Variants in HKDC1 observed in about 807,000 individuals in gnomAD.
HKDC1 encodes hexokinase HKDC1.
A neutral mutation model predicts 96.6 loss-of-function variants in HKDC1; 66 were observed. That is an observed-to-expected ratio of 0.68 (90% CI 0.56 to 0.84). The LOEUF (loss-of-function observed/expected upper bound fraction) is 0.84, where lower values mean the gene tolerates loss of function less well. Among genes scored for constraint, HKDC1 ranks in the 40% least tolerant of loss-of-function variants. The pLI, the probability that HKDC1 is intolerant of heterozygous loss-of-function variation, is 0.00. For synonymous variants in HKDC1, 466 were observed against 473.1 expected, an observed-to-expected ratio of 0.98 and a Z score of 0.20; for missense variants, 1,211 against 1,208.1, an observed-to-expected ratio of 1.00 and a Z score of -0.04.
At chr10:69,251,914 C>G (rs1843649463) in intron 12 of HKDC1, among the ~76,000 whole-genome samples, 2 of 151,966 alleles carry the variant, frequency 1.3e-5, no homozygotes, top group Non-Finnish European at 2.9e-5. Context: ...TGTGTGCCAC[C>G]ACAACTGGCT....
intron 12 of HKDC1, 23 bp downstream of exon 12, chr10:69,250,675 A>G: frequency 6.2e-7 from 1 of 1,611,790 alleles, no homozygotes; most frequent in Non-Finnish European, 8.5e-7. Context: ...CACCAGGCTC[A>G]CGGCCAGCCC....
intron 8 of HKDC1, among the ~76,000 whole-genome samples, chr10:69,246,826 C>T (rs1318201940): frequency 6.6e-6 from 1 of 152,074 alleles, no homozygotes. Flanking sequence ...GGTCCTGCTC[C>T]TCAGGCTTAG....
chr10:69,260,615 C>G lies in HKDC1; in HGVS notation c.2217-524C>G, dbSNP rs1843790589. ...TCCCATTTGACTCTGCAAGCAGTGGCAGTCTGGCTCTGTGTCACTGTTGTT... is the reference window on the plus strand; with the variant it reads ...TCCCATTTGACTCTGCAAGCAGTGGGAGTCTGGCTCTGTGTCACTGTTGTT... On this transcript the variant is annotated intron_variant, in intron 15 of 17. Transcript: ENST00000354624. Among the ~76,000 whole-genome samples the G allele has an allele frequency of 2.0e-5, 3 of 152,160 alleles. No homozygotes were observed. In the South Asian group the frequency reaches 6.2e-4, roughly 32 times the overall value.
chr10:69,235,108 C>T (rs1418184305), intron 4 of HKDC1, among the ~76,000 whole-genome samples: 1 of 151,862 alleles, frequency 6.6e-6, no homozygotes, highest in Non-Finnish European at 1.5e-5. Flanking sequence ...GCAGCGCAGG[C>T]CACAAAGCGA....
At chr10:69,232,628 G>T in intron 2 of HKDC1, 136 bp from the exon 3 acceptor site, 1 of 826,208 alleles carries the variant, frequency 1.2e-6, no homozygotes. Flanking sequence ...AGAGTCCTCA[G>T]CCTTGGCAAA....
chr10:69,259,350 A>T (rs1046913219), intron 15 of HKDC1, among the ~76,000 whole-genome samples: 1 of 152,176 alleles, frequency 6.6e-6, no homozygotes, highest in Non-Finnish European at 1.5e-5. Flanking sequence ...GGGAGTGGGG[A>T]AGTGGCCACC....
At chr10:69,243,944 T>C (rs950926059) in intron 7 of HKDC1, among the ~76,000 whole-genome samples, 6 of 152,192 alleles carry the variant, frequency 3.9e-5, no homozygotes, top group African/African-American at 1.4e-4. Flanking sequence ...GGGTTACGTA[T>C]GTGCATGATA....
At position 69,246,114 on chromosome 10, in the gene HKDC1, A is replaced by G. The variant is rs1564731771; in HGVS notation, c.911A>G (p.Glu304Gly). The G allele has an allele frequency of 6.2e-7, 1 of 1,613,992 alleles. No individual in the cohort carries two copies. The change falls in exon 8 of 18, where the codon GAG becomes GGG. Residue 304 changes from glutamate to glycine, a missense_variant. Coordinates refer to ENST00000354624, the MANE Select transcript of HKDC1 (RefSeq NM_025130.4). ...ATGATCAGTGGCCTGTACCTGGGGG[A>G]GCTTGTCAGGCTTATCTTGCTGAAG... Reference protein sequence around the residue: ...EKMISGLYLGELVRLILLKMA... With the variant: ...EKMISGLYLGGLVRLILLKMA...
intron 2 of HKDC1, chr10:69,232,263 A>T (rs1201921131): frequency 6.1e-6 from 1 of 165,182 alleles, no homozygotes; most frequent in African/African-American, 2.4e-5. Flanking sequence ...GCCATTGTTT[A>T]GTCCCTGTCT....
At chr10:69,250,252 C>A in intron 10 of HKDC1, 38 bp from the exon 11 acceptor site, 1 of 1,593,638 alleles carries the variant, frequency 6.3e-7, no homozygotes, top group Non-Finnish European at 8.6e-7. Flanking sequence ...GACACAAGTC[C>A]CTGTCATGGA....
At chr10:69,242,429 G>GA (rs5785904) in intron 6 of HKDC1, among the ~76,000 whole-genome samples, 10,008 of 115,018 alleles carry the variant, frequency 0.087, 536 homozygotes, top group Middle Eastern at 0.12. Flanking sequence ...AGATACTGAA[G>GA]AAAAAAAAAA....
Position 69,261,437 on chromosome 10 carries a change from T to A in HKDC1, c.2372+143T>A, listed in dbSNP as rs1843809351. 4 of 685,124 alleles carry A rather than the reference T, an allele frequency of 5.8e-6. No homozygotes were observed. The East Asian group carries it at 1.1e-4, about 19-fold the overall frequency. The allele number at this position is 685,124 out of a possible 1,614,324, so 42.4% of individuals were successfully genotyped here. On this transcript the variant is annotated intron_variant, in intron 16 of 17. Transcript: ENST00000354624. Reference sequence around the variant, plus strand: ...TTGCCTCCTGGGGCTGCTCTTCTCTTTCCAACTGATTCAGGATCGCTTTCA... The same window carrying A: ...TTGCCTCCTGGGGCTGCTCTTCTCTATCCAACTGATTCAGGATCGCTTTCA...
intron 12 of HKDC1, among the ~76,000 whole-genome samples, chr10:69,253,772 G>A (rs545483813): frequency 1.3e-5 from 2 of 152,262 alleles, no homozygotes; most frequent in South Asian, 4.2e-4. Flanking sequence ...GTGCACTGTC[G>A]CCAGGGCCTG....
intron 4 of HKDC1, among the ~76,000 whole-genome samples, chr10:69,233,997 C>T (rs139968605): frequency 2.0e-3 from 311 of 152,108 alleles, no homozygotes; most frequent in African/African-American, 7.1e-3. Context: ...CCAGCTAGGC[C>T]GGGGTTCCTG....
intron 2 of HKDC1, among the ~76,000 whole-genome samples, chr10:69,229,660 C>T (rs1843220660): frequency 6.6e-6 from 1 of 152,074 alleles, no homozygotes; most frequent in African/African-American, 2.4e-5. Flanking sequence ...TCCTCCTGGC[C>T]CTGGCTGCTT....
chr10:69,264,148 AAAG>A (rs1843852622), intron 16 of HKDC1, among the ~76,000 whole-genome samples: 1 of 152,040 alleles, frequency 6.6e-6, no homozygotes. Flanking sequence ...TCCGCCTCAA[AAAG>A]AAGAGAATTA....
At position 69,263,185 on chromosome 10, in the gene HKDC1, T is replaced by G. The variant is rs569262942; in HGVS notation, c.2372+1891T>G. Among the ~76,000 whole-genome samples the G allele has an allele frequency of 9.5e-4, 144 of 152,182 alleles. 6 individuals carry two copies. In the South Asian group the frequency reaches 0.029, roughly 31 times the overall value. On this transcript the variant is annotated intron_variant, in intron 16 of 17. Transcript: ENST00000354624. ...GTTCAAGTGATCCTCCCACCTCAGC[T>G]GCCACCACTGCTCCTCTCCCCTGCT...
intron 6 of HKDC1, among the ~76,000 whole-genome samples, chr10:69,242,165 G>T (rs1024698023): frequency 4.6e-5 from 7 of 152,164 alleles, no homozygotes; most frequent in African/African-American, 1.4e-4. Context: ...CCAAAGGGCA[G>T]GTTTTTAAAC....
chr10:69,250,229 C>T (rs1843616675), intron 10 of HKDC1, 61 bp from the exon 11 acceptor site: 6 of 1,564,418 alleles, frequency 3.8e-6, no homozygotes, highest in Admixed American at 1.7e-5. Context: ...TCTCCTCTTC[C>T]TCCCAATGCC....
Sources: allele counts gnomAD v4.1 joint callset (sites outside exome capture counted in the v4.1 genomes callset), GRCh38; gene constraint gnomAD v4.1.1; transcripts MANE v1.5; gene names NCBI Gene and HGNC (gene_info 2026-07-23, HGNC 2026-07-21).